The following CCDC172 variants were observed in gnomAD, a reference collection of about 807,000 sequenced individuals.
The protein encoded by CCDC172 is coiled-coil domain containing 172, also known as coiled-coil domain-containing protein 172.
Under a neutral mutation model 38.0 loss-of-function variants are expected in CCDC172, and 30 were observed. The ratio of observed to expected loss-of-function variants is 0.79; its 90% confidence interval spans 0.59 to 1.07. CCDC172 has a LOEUF of 1.07. Ranked by LOEUF, CCDC172 falls within the 50% of genes least tolerant of loss-of-function variation. The pLI, the probability that CCDC172 is intolerant of heterozygous loss-of-function variation, is 0.00. For missense variants in CCDC172, 297 were observed against 290.1 expected, an observed-to-expected ratio of 1.02 and a Z score of -0.17; for synonymous variants, 78 against 88.3, an observed-to-expected ratio of 0.88 and a Z score of 0.66.
chr10:116,346,291 C>CAAG (rs1413212831), intron 5 of CCDC172, among the ~76,000 whole-genome samples: 2 of 80,010 alleles, frequency 2.5e-5, no homozygotes, highest in African/African-American at 8.8e-5. Flanking sequence ...GACTTCGTCT[C>CAAG]AAAAAAAAAA....
rs116715079 is a variant in CCDC172, at chr10:116,342,681, G to A, written c.448+480G>A. Among the ~76,000 whole-genome samples, 565 of 152,284 alleles carry A rather than the reference G, an allele frequency of 3.7e-3. 4 individuals are homozygous for A. Among genetic ancestry groups the A allele is most frequent in the African/African-American group, 0.013 (529 of 41,566 alleles). On this transcript the variant is annotated intron_variant, in intron 5 of 8. Coordinates refer to ENST00000333254, the MANE Select transcript of CCDC172 (RefSeq NM_198515.3). ...CCCCATGCAAATGTCGTGTCAAATT[G>A]TAATCCTTAATGTTGGAGGTTGGGC... is the stretch of plus-strand genomic sequence containing the variant.
intron 7 of CCDC172, among the ~76,000 whole-genome samples, chr10:116,369,917 A>C (rs1845166117): frequency 6.6e-6 from 1 of 151,960 alleles, no homozygotes; most frequent in Non-Finnish European, 1.5e-5. Context: ...GATGAGAAAC[A>C]ATATTCATGT....
At chr10:116,331,936 A>G (rs1170593775) in intron 3 of CCDC172, among the ~76,000 whole-genome samples, 1 of 152,048 alleles carries the variant, frequency 6.6e-6, no homozygotes, top group African/African-American at 2.4e-5. Flanking sequence ...CTCGTTTTCC[A>G]CTCATGGCTC....
At chr10:116,324,914 A>G (rs1412244688) in intron 1 of CCDC172, 33 bp from the exon 2 acceptor site, 10 of 996,622 alleles carry the variant, frequency 1.0e-5, no homozygotes, top group African/African-American at 1.6e-5. Flanking sequence ...GAATGGTTCT[A>G]GAAGAATCCA....
intron 8 of CCDC172, among the ~76,000 whole-genome samples, chr10:116,378,899 A>G (rs1845280438): frequency 6.6e-6 from 1 of 152,166 alleles, no homozygotes; most frequent in South Asian, 2.1e-4. Flanking sequence ...CTTTTATTAT[A>G]TTTGATCCTA....
At chr10:116,378,576 T>A in intron 8 of CCDC172, 66 bp downstream of exon 8, 1 of 1,250,730 alleles carries the variant, frequency 8.0e-7, no homozygotes, top group Non-Finnish European at 1.1e-6. Context: ...GGAACGGTTT[T>A]ACTGGTGTAC....
At chr10:116,345,195 T>C (rs1356993556) in intron 5 of CCDC172, among the ~76,000 whole-genome samples, 5 of 152,254 alleles carry the variant, frequency 3.3e-5, no homozygotes, top group Admixed American at 6.5e-5. Context: ...GAAATAGAAA[T>C]GCATATTGTC....
At chr10:116,343,463 C>T (rs1844821828) in intron 5 of CCDC172, among the ~76,000 whole-genome samples, 1 of 151,734 alleles carries the variant, frequency 6.6e-6, no homozygotes, top group African/African-American at 2.4e-5. Context: ...AATGATTCCC[C>T]ATGACTCTTG....
At chr10:116,339,060 C>T (rs971365835) in intron 3 of CCDC172, among the ~76,000 whole-genome samples, 1 of 152,022 alleles carries the variant, frequency 6.6e-6, no homozygotes, top group Non-Finnish European at 1.5e-5. Context: ...ATACTGCAAA[C>T]ACCCTTCTCA....
chr10:116,357,505 A>C (rs1397090029), intron 6 of CCDC172, 24 bp downstream of exon 6: 7 of 1,478,364 alleles, frequency 4.7e-6, no homozygotes. Flanking sequence ...GAGTTAGCTT[A>C]TTTTGCTGAT....
chr10:116,353,729 A>G (rs1157759718), intron 5 of CCDC172, among the ~76,000 whole-genome samples: 1 of 152,192 alleles, frequency 6.6e-6, no homozygotes, highest in Non-Finnish European at 1.5e-5. Flanking sequence ...AAAAAGAAAA[A>G]AAATATTTTT....
chr10:116,328,925 C>G (rs1844623220), intron 3 of CCDC172, among the ~76,000 whole-genome samples: 1 of 152,024 alleles, frequency 6.6e-6, no homozygotes, highest in Non-Finnish European at 1.5e-5. Flanking sequence ...TTTCTTTACA[C>G]TTAATCAAAA....
At chr10:116,367,647 C>T (rs1028331068) in intron 7 of CCDC172, among the ~76,000 whole-genome samples, 3 of 151,326 alleles carry the variant, frequency 2.0e-5, no homozygotes, top group Non-Finnish European at 2.9e-5. Flanking sequence ...GGTGACAGAG[C>T]GAGACTCTGT....
At chr10:116,328,478 A>C (rs528423674) in intron 3 of CCDC172, among the ~76,000 whole-genome samples, 1 of 152,272 alleles carries the variant, frequency 6.6e-6, no homozygotes, top group South Asian at 2.1e-4. Context: ...TTCTATTTTT[A>C]AAAATGGCAT....
At chr10:116,355,262 G>A (rs985245718) in intron 5 of CCDC172, among the ~76,000 whole-genome samples, 4 of 152,026 alleles carry the variant, frequency 2.6e-5, no homozygotes, top group Non-Finnish European at 5.9e-5. Context: ...TATTTTTGCT[G>A]TACCTTTTCT....
rs868026474 is a variant in CCDC172 at position 116,325,326 on chromosome 10, C to G, written c.103C>G (p.Arg35Gly). 2.5e-6 allele frequency: 4 copies of G among 1,612,692 alleles called. No homozygotes were observed. The African/African-American group carries it at 5.3e-5, about 22-fold the overall frequency. ...REVRSEITRC[R>G]EKIKKATEEL... ...AGTAAGGTCGGAAATAACCAGATGT[C>G]GTGAAAAAATTAAGAAAGCAACGGA... The change falls in exon 3 of 9, where the codon CGT (arginine) becomes GGT (glycine). Residue 35 changes from arginine (R) to glycine (G), a missense_variant. Physicochemically the swap from Arg to Gly is moderately radical, Grantham distance 125. Transcript: ENST00000333254.
chr10:116,378,344 A>G, intron 7 of CCDC172, 79 bp from the exon 8 acceptor site: 1 of 1,367,348 alleles, frequency 7.3e-7, no homozygotes, highest in Non-Finnish European at 9.7e-7. Flanking sequence ...TATAGAAGCT[A>G]CAAACTTGTC....
At chr10:116,330,601 A>C (rs1844649496) in intron 3 of CCDC172, among the ~76,000 whole-genome samples, 1 of 149,530 alleles carries the variant, frequency 6.7e-6, no homozygotes, top group Non-Finnish European at 1.5e-5. Flanking sequence ...TATAGTATCA[A>C]AGAAGAATAT....
intron 5 of CCDC172, among the ~76,000 whole-genome samples, chr10:116,348,885 C>T (rs1844898195): frequency 6.6e-6 from 1 of 152,150 alleles, no homozygotes; most frequent in Middle Eastern, 3.4e-3. Flanking sequence ...TTTGTGGGTC[C>T]CCAACCCCTG....
Sources: gnomAD v4.1 joint callset for allele counts (sites outside exome capture counted in the v4.1 genomes callset) on GRCh38, gnomAD v4.1.1 for gene constraint, MANE v1.5 for transcripts, NCBI Gene and HGNC (gene_info 2026-07-23, HGNC 2026-07-21) for gene names.